Variants in EXD3 observed in about 807,000 individuals in gnomAD.
EXD3 encodes the protein exonuclease 3'-5' domain containing 3.
A neutral mutation model predicts 98.0 loss-of-function variants in EXD3; 92 were observed. The ratio of observed to expected loss-of-function variants is 0.94; its 90% CI spans 0.79 to 1.12. The LOEUF (loss-of-function observed/expected upper bound fraction) is 1.12, where lower values mean the gene tolerates loss of function less well. Ranked by LOEUF, EXD3 falls within the 50% of genes most tolerant of loss-of-function variation. The pLI, the probability that EXD3 is intolerant of heterozygous loss-of-function variation, is 0.00. For synonymous variants in EXD3, 569 were observed against 526.0 expected (o/e 1.08, Z -1.12); for missense variants, 1,222 against 1,191.6 (o/e 1.03, Z -0.38).
intron 7 of EXD3, among the ~76,000 whole-genome samples, chr9:137,358,489 C>T (rs532050827): frequency 3.2e-4 from 49 of 152,320 alleles, no homozygotes; most frequent in African/African-American, 1.1e-3. Flanking sequence ...CCGAAGCCAA[C>T]TGGCTCCTTG....
chr9:137,353,973 C>CA lies in EXD3; in HGVS notation c.870+365_870+366insT, dbSNP rs531350329. On this transcript the variant is annotated intron_variant, in intron 10 of 21. Transcript: ENST00000340951. The stretch of plus-strand genomic sequence containing the variant: ...CGGCCGGCTCTGCGCTGGCACCGGG[C>CA]TGGGGGGGCCTGGCCTTCCTCCTTC... 4.3e-5 allele frequency: 47 copies of CA among 1,083,094 alleles called. No homozygotes were observed. In the African/African-American group the frequency reaches 6.1e-4, roughly 14 times the overall value. 67.1% of individuals were successfully genotyped at this position (1,083,094 alleles called of 1,614,324 possible). A position where few individuals can be genotyped will look rare whatever the true frequency, so the allele number is the denominator to read the frequency against.
Position 137,347,601 on chromosome 9 carries a change from G to A in EXD3, c.1998+470C>T, listed in dbSNP as rs1228707731. ...TGGGATTACAGGCGCCCGCCACTAC[G>A]CCTGGCTAATTTTTCTATTTTTGGT... On this transcript the variant is annotated intron_variant, in intron 17 of 21. Coordinates refer to ENST00000340951, the MANE Select transcript of EXD3 (RefSeq NM_017820.5). This position sits in a 1 kb window ranked among gnomAD's most constrained non-coding sequence, Gnocchi z 4.2. 6.6e-6 allele frequency among the ~76,000 whole-genome samples: 1 copy of A among 151,890 alleles called. No individual in the cohort carries two copies. The highest frequency in any genetic ancestry group is 1.9e-4 in the East Asian group (1 of 5,174).
chr9:137,407,864 T>TGG lies in EXD3; in HGVS notation c.-47-12462_-47-12461dup, dbSNP rs58535550. On this transcript the variant is annotated intron_variant, in intron 1 of 21. Transcript: ENST00000340951. The surrounding 1 kb of genome is among the most constrained non-coding windows in gnomAD (Gnocchi z 4.4). ...GGCGGGAGGGGCACAGCAAAGGGTC[T>TGG]GGGGGGAGGCCGGAGGGGGCTTTCC... is the stretch of plus-strand genomic sequence containing the variant. Among the ~76,000 whole-genome samples the TGG allele has an allele frequency of 1.3e-5, 2 of 151,516 alleles. No homozygotes were observed. Among genetic ancestry groups the TGG allele is most frequent in the Admixed American group, 1.3e-4 (2 of 15,212 alleles).
chr9:137,330,509 ACTAC>A (rs1371833754), intron 17 of EXD3, among the ~76,000 whole-genome samples: 2 of 145,170 alleles, frequency 1.4e-5, no homozygotes, highest in Admixed American at 6.9e-5. Context: ...GCTACACAGG[ACTAC>A]GCAGGACCAC....
intron 1 of EXD3, among the ~76,000 whole-genome samples, chr9:137,398,296 G>A (rs541850301): frequency 1.2e-3 from 183 of 152,320 alleles, no homozygotes; most frequent in Non-Finnish European, 2.2e-3. Flanking sequence ...GCTTTGTGGA[G>A]ACACCCATTC....
chr9:137,373,090 C>T lies in EXD3; in HGVS notation c.295-18G>A, dbSNP rs767810826. 6 of 1,544,844 alleles carry T rather than the reference C, an allele frequency of 3.9e-6. No homozygotes were observed. The South Asian group carries it at 7.3e-5, about 19-fold the overall frequency. On this transcript the variant is annotated intron_variant, in intron 4 of 21. Coordinates refer to ENST00000340951, the MANE Select transcript of EXD3 (RefSeq NM_017820.5). Reference sequence around the variant, plus strand: ...AGGCTGTGCTGGAAGAGCAGGGACCCAGACTTACTGGACGCAGCACCCAGT... The same window carrying T: ...AGGCTGTGCTGGAAGAGCAGGGACCTAGACTTACTGGACGCAGCACCCAGT...
intron 17 of EXD3, among the ~76,000 whole-genome samples, chr9:137,342,404 A>G (rs1049665043): frequency 0.042 from 3,202 of 76,916 alleles, no homozygotes; most frequent in Middle Eastern, 0.16. Flanking sequence ...CAGAGGAAAC[A>G]GGGCTCAGGC....
At position 137,409,511 on chromosome 9, in the gene EXD3, G is replaced by GT. The variant is rs138979760; in HGVS notation, c.-48+13602dup. ...GCAGGCGGATTGCTTGAGTCCAGGAGTTTGAGACCAGCCTGGGTAACATAG... is the reference window on the plus strand; with the variant it reads ...GCAGGCGGATTGCTTGAGTCCAGGAGTTTTGAGACCAGCCTGGGTAACATAG... On this transcript the variant is annotated intron_variant, in intron 1 of 21. Coordinates refer to ENST00000340951, the MANE Select transcript of EXD3 (RefSeq NM_017820.5). Among the ~76,000 whole-genome samples, 970 of 152,250 alleles carry GT rather than the reference G, an allele frequency of 6.4e-3. 22 individuals carry two copies. The East Asian group carries it at 0.083, about 13-fold the overall frequency.
In EXD3 at chr9:137,330,328, GGGACTACACA is replaced by G. The variant is rs1227353075; in HGVS notation, c.1999-6195_1999-6186del. Among the ~76,000 whole-genome samples, 562 of 125,384 alleles carry G rather than the reference GGGACTACACA, an allele frequency of 4.5e-3. 19 individuals are homozygous for G. The highest frequency in any genetic ancestry group is 0.014 in the African/African-American group (451 of 32,944). 82.3% of individuals were successfully genotyped at this position (125,384 alleles called of 152,430 possible). A position where few individuals can be genotyped will look rare whatever the true frequency, so the allele number is the denominator to read the frequency against. On this transcript the variant is annotated intron_variant, in intron 17 of 21. Transcript: ENST00000340951. ...CACAGGAACTACACCGGAGCTACAC[GGGACTACACA>G]GGACTACACAGGACTACACAGGAGC...
rs759241963 is a variant in EXD3 at position 137,309,713 on chromosome 9, G to C, written c.2185-13C>G. On this transcript the variant is annotated splice_polypyrimidine_tract_variant and intron_variant, in intron 19 of 21. Transcript: ENST00000340951. ...CACAGTTACAGGCCTGGGGGCCAGAGGGGGTGCTGAGGCCCAGGCGGGGCT... is the reference window on the plus strand; with the variant it reads ...CACAGTTACAGGCCTGGGGGCCAGACGGGGTGCTGAGGCCCAGGCGGGGCT... 1 of 1,549,086 alleles carries C rather than the reference G, an allele frequency of 6.5e-7. No homozygotes were observed. The highest frequency in any genetic ancestry group is 1.2e-5 in the South Asian group (1 of 84,120).
At chr9:137,351,836 C>T (rs1458188479) in intron 12 of EXD3, among the ~76,000 whole-genome samples, 1 of 152,236 alleles carries the variant, frequency 6.6e-6, no homozygotes, top group African/African-American at 2.4e-5. Flanking sequence ...ATGGGGATTC[C>T]ACGGCACCTT....
At chr9:137,401,141 C>T (rs1217171495) in intron 1 of EXD3, among the ~76,000 whole-genome samples, 3 of 146,678 alleles carry the variant, frequency 2.0e-5, no homozygotes, top group Admixed American at 7.1e-5. Flanking sequence ...GTGGGGGCTC[C>T]CACCCATTTC....
intron 20 of EXD3, 120 bp downstream of exon 20, chr9:137,309,487 C>CT: frequency 1.3e-6 from 1 of 795,612 alleles, no homozygotes; most frequent in Non-Finnish European, 2.0e-6. Context: ...CGTCACCTGG[C>CT]TGCCACCCTT....
chr9:137,390,795 TG>T (rs1381717427), intron 2 of EXD3, among the ~76,000 whole-genome samples: 2 of 152,118 alleles, frequency 1.3e-5, no homozygotes, highest in Admixed American at 1.3e-4. Context: ...CAGCTGGGCC[TG>T]GGCAGGCGCC....
Position 137,385,365 on chromosome 9 carries a change from C to A in EXD3, c.56-1988G>T, listed in dbSNP as rs994698626. ...ATGGCAGGCAGTGTGACTGGCCCCG[C>A]ATTCTGGGTGCTGCATGCTGGGCAT... On this transcript the variant is annotated intron_variant, in intron 2 of 21. Coordinates refer to ENST00000340951, the MANE Select transcript of EXD3 (RefSeq NM_017820.5). The surrounding 1 kb of genome is among the most constrained non-coding windows in gnomAD (Gnocchi z 4.4). 1.4e-5 allele frequency among the ~76,000 whole-genome samples: 2 copies of A among 143,912 alleles called. No individual in the cohort carries two copies. The highest frequency in any genetic ancestry group is 5.0e-5 in the African/African-American group (2 of 39,762). The allele number at this position is 143,912 out of a possible 152,430, so 94.4% of individuals were successfully genotyped here. A position where few individuals can be genotyped will look rare whatever the true frequency, so the allele number is the denominator to read the frequency against.
Position 137,357,079 on chromosome 9 carries a change from G to A in EXD3, c.657-711C>T, listed in dbSNP as rs147650369. On this transcript the variant is annotated intron_variant, in intron 7 of 21. Transcript: ENST00000340951. ...GATAACGTTCCCTTAGCACAGGCAG[G>A]CTTGGCTCCCAGAACTGCTGTTGAG... 7.1e-3 allele frequency among the ~76,000 whole-genome samples: 1,080 copies of A among 152,322 alleles called. 13 individuals carry two copies. Among genetic ancestry groups the A allele is most frequent in the African/African-American group, 0.024 (1,006 of 41,564 alleles).
At chr9:137,394,030 G>A (rs1391224344) in intron 2 of EXD3, among the ~76,000 whole-genome samples, 3 of 152,268 alleles carry the variant, frequency 2.0e-5, no homozygotes, top group East Asian at 1.9e-4. Context: ...GAGGCTTCCC[G>A]CCCCAGCCCG....
In EXD3 at chr9:137,347,554, G is replaced by A. The variant is rs190474167; in HGVS notation, c.1998+517C>T. On this transcript the variant is annotated intron_variant, in intron 17 of 21. Transcript: ENST00000340951. The surrounding 1 kb of genome is among the most constrained non-coding windows in gnomAD (Gnocchi z 4.2). ...TGCCTCCGGTGTTTAAGCGATTCTC[G>A]TGTCTCAGCCTCCTGAGTAGTTGGG... Among the ~76,000 whole-genome samples the A allele has an allele frequency of 2.4e-3, 368 of 151,438 alleles. 1 individual carries two copies. Among genetic ancestry groups the A allele is most frequent in the African/African-American group, 7.7e-3 (316 of 41,278 alleles).
Position 137,363,095 on chromosome 9 carries a change from G to A in EXD3, c.656+3398C>T, listed in dbSNP as rs953918970. 5.9e-5 allele frequency among the ~76,000 whole-genome samples: 9 copies of A among 152,036 alleles called. 1 individual carries two copies. Among genetic ancestry groups the A allele is most frequent in the Non-Finnish European group, 1.5e-5 (1 of 68,032 alleles). ...CAAAGTGCTGGGATTACAGGCATGAGTCACCACACCCAGCCCTCTCATTCT... is the reference window on the plus strand; with the variant it reads ...CAAAGTGCTGGGATTACAGGCATGAATCACCACACCCAGCCCTCTCATTCT... On this transcript the variant is annotated intron_variant, in intron 7 of 21. Transcript: ENST00000340951.
Sources: allele counts gnomAD v4.1 joint callset (sites outside exome capture counted in the v4.1 genomes callset), GRCh38; gene constraint gnomAD v4.1.1; non-coding constraint Gnocchi (gnomAD v3.1); transcripts MANE v1.5; gene names NCBI Gene and HGNC (gene_info 2026-07-23, HGNC 2026-07-21).